The following QKI variants were observed in gnomAD, a reference collection of about 807,000 sequenced individuals.
QKI encodes the protein QKI, KH domain containing RNA binding.
In QKI, 10 loss-of-function variants were observed where a neutral mutation model predicts 39.0. The ratio of observed to expected loss-of-function variants is 0.26; its 90% CI spans 0.16 to 0.43. QKI has a LOEUF of 0.43. Among genes scored for constraint, QKI ranks in the 20% least tolerant of loss-of-function variants. QKI has a pLI of 1.00. For synonymous variants in QKI, 204 were observed against 155.4 expected, an observed-to-expected ratio of 1.31 and a Z score of -2.33; for missense variants, 218 against 428.0, an observed-to-expected ratio of 0.51 and a Z score of 4.33.
chr6:163,544,736 T>G (rs1781762163), intron 4 of QKI, among the ~76,000 whole-genome samples: 2 of 152,030 alleles, frequency 1.3e-5, no homozygotes, highest in Non-Finnish European at 2.9e-5. Flanking sequence ...ATTAAGCAAA[T>G]AATAATTTGG....
chr6:163,502,222 C>T (rs1396036379), intron 3 of QKI, among the ~76,000 whole-genome samples: 1 of 151,890 alleles, frequency 6.6e-6, no homozygotes, highest in African/African-American at 2.4e-5. Flanking sequence ...ACTTGGGAGG[C>T]TGAGGTGGGA....
rs1021121950 is a variant in QKI at position 163,569,882 on chromosome 6, T to C, written c.1010-812T>C. On this transcript the variant is annotated intron_variant, in intron 7 of 7. Transcript: ENST00000361752. The stretch of plus-strand genomic sequence containing the variant: ...TATTTTTTGATGTACTTAGAGCTTT[T>C]TGAGTGTAGAATTTTAAATGGCAGG... 39 of 986,826 alleles carry C rather than the reference T, an allele frequency of 4.0e-5. No homozygotes were observed. In the Admixed American group the frequency reaches 1.4e-3, roughly 36 times the overall value. The allele number at this position is 986,826 out of a possible 1,614,324, so 61.1% of individuals were successfully genotyped here.
intron 1 of QKI, among the ~76,000 whole-genome samples, chr6:163,426,670 C>G (rs539886259): frequency 5.3e-5 from 8 of 152,300 alleles, no homozygotes; most frequent in African/African-American, 1.9e-4. Context: ...ATTCTTTCTG[C>G]AATTACTTGG....
rs371684464 is a variant in QKI, at chr6:163,555,330, A to T, written c.547-6652A>T. The stretch of plus-strand genomic sequence containing the variant: ...AAAAACTGAGATAGCACATGGCTAT[A>T]TATGATTGATCACCCCAAAAATAAG... On this transcript the variant is annotated intron_variant, in intron 4 of 7. Coordinates refer to ENST00000361752, the MANE Select transcript of QKI (RefSeq NM_006775.3). Among the ~76,000 whole-genome samples the T allele has an allele frequency of 2.2e-4, 34 of 152,232 alleles. No homozygotes were observed. In the East Asian group the frequency reaches 4.2e-3, roughly 19 times the overall value.
At chr6:163,426,565 A>G (rs1788423975) in intron 1 of QKI, among the ~76,000 whole-genome samples, 1 of 152,086 alleles carries the variant, frequency 6.6e-6, no homozygotes, top group Admixed American at 6.6e-5. Context: ...CATCGACCAA[A>G]GGTGCCCCGT....
chr6:163,442,957 A>G (rs904593005), intron 1 of QKI, among the ~76,000 whole-genome samples: 14 of 152,204 alleles, frequency 9.2e-5, no homozygotes, highest in Admixed American at 3.9e-4. Flanking sequence ...CAAGTATGTT[A>G]TTATATGATA....
intron 1 of QKI, among the ~76,000 whole-genome samples, chr6:163,430,551 G>A (rs1324141901): frequency 6.6e-6 from 1 of 152,102 alleles, no homozygotes; most frequent in Non-Finnish European, 1.5e-5. Context: ...GAATTGATCA[G>A]GAGCATGGAG....
intron 1 of QKI, among the ~76,000 whole-genome samples, chr6:163,452,667 G>A (rs1375430447): frequency 1.3e-5 from 2 of 152,108 alleles, no homozygotes; most frequent in Non-Finnish European, 2.9e-5. Context: ...AGTGGTAAAT[G>A]GCTTGTATCA....
intron 3 of QKI, among the ~76,000 whole-genome samples, chr6:163,530,026 G>A (rs1780756401): frequency 1.3e-5 from 2 of 152,050 alleles, no homozygotes; most frequent in Non-Finnish European, 2.9e-5. Context: ...TGTAAATTTG[G>A]GATTATATTG....
intron 2 of QKI, among the ~76,000 whole-genome samples, chr6:163,460,402 TTAG>T (rs1272123440): frequency 1.3e-5 from 2 of 152,184 alleles, no homozygotes; most frequent in Non-Finnish European, 2.9e-5. Context: ...GTTGCTATAG[TTAG>T]TAGTTTAGAT....
At chr6:163,451,573 A>G (rs1790560240) in intron 1 of QKI, among the ~76,000 whole-genome samples, 2 of 152,330 alleles carry the variant, frequency 1.3e-5, no homozygotes, top group South Asian at 4.1e-4. Flanking sequence ...TAAGATCTTT[A>G]GAGATGTCTA....
chr6:163,418,171 T>C (rs1787693455), intron 1 of QKI, among the ~76,000 whole-genome samples: 1 of 152,086 alleles, frequency 6.6e-6, no homozygotes, highest in Non-Finnish European at 1.5e-5. Context: ...AATTTTACTT[T>C]AGTGATTGGT....
intron 1 of QKI, among the ~76,000 whole-genome samples, chr6:163,424,722 C>T (rs1365991969): frequency 6.6e-6 from 1 of 151,748 alleles, no homozygotes; most frequent in Non-Finnish European, 1.5e-5. Context: ...ACCTCTGTCT[C>T]CCAGGTTCAA....
chr6:163,537,603 C>A (rs1171250354), intron 4 of QKI, among the ~76,000 whole-genome samples: 1 of 152,118 alleles, frequency 6.6e-6, no homozygotes, highest in Non-Finnish European at 1.5e-5. Flanking sequence ...ACAGAAATTG[C>A]CAGTCTTTTG....
chr6:163,542,525 G>A (rs1041986615), intron 4 of QKI, among the ~76,000 whole-genome samples: 5 of 152,044 alleles, frequency 3.3e-5, no homozygotes, highest in African/African-American at 1.2e-4. Context: ...GGGAGATAGA[G>A]TACTAAGCTT....
intron 5 of QKI, among the ~76,000 whole-genome samples, chr6:163,562,325 A>C (rs1783083431): frequency 6.6e-6 from 1 of 152,234 alleles, no homozygotes; most frequent in Non-Finnish European, 1.5e-5. Flanking sequence ...CACAATCTCT[A>C]AATTCAAGTG....
In QKI at chr6:163,459,415, A is replaced by G. The variant is rs150817426; in HGVS notation, c.285+3994A>G. Among the ~76,000 whole-genome samples, 425 of 152,276 alleles carry G rather than the reference A, an allele frequency of 2.8e-3. 4 individuals are homozygous for G. The highest frequency in any genetic ancestry group is 9.6e-4 in the East Asian group (5 of 5,182). On this transcript the variant is annotated intron_variant, in intron 2 of 7. Transcript: ENST00000361752. ...CCAGGGATACTGTTAAACATCCTGT[A>G]ATGCACAGGGCAGTCAGCCTCCGTG...
intron 3 of QKI, among the ~76,000 whole-genome samples, chr6:163,479,585 T>G (rs574594676): frequency 8.2e-4 from 125 of 152,332 alleles, no homozygotes; most frequent in African/African-American, 2.9e-3. Flanking sequence ...TTGGTCAGTC[T>G]GGTCTCGAAC....
intron 3 of QKI, among the ~76,000 whole-genome samples, chr6:163,533,883 T>G (rs982734315): frequency 2.0e-5 from 3 of 152,188 alleles, no homozygotes; most frequent in African/African-American, 7.2e-5. Context: ...TAAAATTTAT[T>G]TTTAGCCTTA....
Sources: allele counts gnomAD v4.1 joint callset (sites outside exome capture counted in the v4.1 genomes callset), GRCh38; gene constraint gnomAD v4.1.1; transcripts MANE v1.5; gene names NCBI Gene and HGNC (gene_info 2026-07-23, HGNC 2026-07-21).